Variants in NELL1 observed in about 807,000 individuals in gnomAD.
The protein encoded by NELL1 is neural EGFL like 1, also known as protein kinase C-binding protein NELL1.
NELL1 carries 76 observed loss-of-function variants against 107.4 expected under a neutral mutation model. The ratio of observed to expected loss-of-function variants is 0.71; its 90% CI spans 0.59 to 0.86. The LOEUF (loss-of-function observed/expected upper bound fraction) is 0.86. NELL1 is among the 40% of genes least tolerant of loss of function. The pLI is 0.00. For synonymous variants in NELL1, 353 were observed against 341.2 expected (o/e 1.03, Z -0.38); for missense variants, 1,024 against 1,005.5 (o/e 1.02, Z -0.25).
chr11:21,146,870 C>A (rs1366766580), intron 13 of NELL1, among the ~76,000 whole-genome samples: 1 of 152,098 alleles, frequency 6.6e-6, no homozygotes, highest in African/African-American at 2.4e-5. Context: ...ATAGTGAAAC[C>A]CTGTCTCTGC....
chr11:21,059,771 G>A (rs1313919834), intron 12 of NELL1, among the ~76,000 whole-genome samples: 1 of 152,096 alleles, frequency 6.6e-6, no homozygotes, highest in Non-Finnish European at 1.5e-5. Flanking sequence ...TTCCTTTGCT[G>A]CTACTGGAAT....
At chr11:21,378,596 C>T (rs537672135) in intron 15 of NELL1, among the ~76,000 whole-genome samples, 1 of 152,040 alleles carries the variant, frequency 6.6e-6, no homozygotes, top group Admixed American at 6.6e-5. Context: ...TGACTCCAAA[C>T]CTTGTGTTCT....
intron 5 of NELL1, among the ~76,000 whole-genome samples, chr11:20,892,313 C>T (rs1590386504): frequency 6.6e-6 from 1 of 152,072 alleles, no homozygotes; most frequent in Non-Finnish European, 1.5e-5. Flanking sequence ...TTCTTTGAAA[C>T]CAATGAGAAC....
chr11:20,888,682 G>A (rs1179845280), intron 5 of NELL1, among the ~76,000 whole-genome samples: 1 of 152,102 alleles, frequency 6.6e-6, no homozygotes, highest in Non-Finnish European at 1.5e-5. Flanking sequence ...CATCAGAACA[G>A]CCATTTTATT....
chr11:20,947,399 A>T lies in NELL1; in HGVS notation c.1135A>T (p.Ile379Phe), dbSNP rs764256028. 3.7e-6 allele frequency: 6 copies of T among 1,613,978 alleles called. No homozygotes were observed. The African/African-American group carries it at 5.3e-5, about 14-fold the overall frequency. ...PPLNCSEKDH[I>F]LPENQCCRVC... The stretch of plus-strand genomic sequence containing the variant: ...TTTGAACTGCTCAGAAAAGGATCAC[A>T]TTCTTCCTGAGAATCAGTGCTGCCG... Residue 379 changes from isoleucine to phenylalanine, a missense_variant, in exon 11 of 20, where the codon ATT (isoleucine) becomes TTT (phenylalanine). By Grantham distance (21) the Ile-to-Phe change is conservative (BLOSUM62 0). Coordinates refer to ENST00000357134, the MANE Select transcript of NELL1 (RefSeq NM_006157.5).
At chr11:21,203,828 T>C (rs1316814130) in intron 13 of NELL1, among the ~76,000 whole-genome samples, 1 of 152,188 alleles carries the variant, frequency 6.6e-6, no homozygotes, top group Non-Finnish European at 1.5e-5. Context: ...CTGTCAGCAT[T>C]TGCCTGTCTG....
chr11:20,771,978 AG>A (rs1339818723), intron 2 of NELL1, among the ~76,000 whole-genome samples: 2 of 152,224 alleles, frequency 1.3e-5, no homozygotes, highest in Admixed American at 6.5e-5. Flanking sequence ...CAGCATTTGA[AG>A]TAACATGTAA....
At chr11:20,863,975 G>A (rs1013061841) in intron 4 of NELL1, among the ~76,000 whole-genome samples, 1 of 152,122 alleles carries the variant, frequency 6.6e-6, no homozygotes, top group Non-Finnish European at 1.5e-5. Context: ...AGGCGTGGCG[G>A]CGCGCGCCTG....
chr11:21,413,306 G>C (rs1040097749), intron 15 of NELL1, among the ~76,000 whole-genome samples: 1 of 151,796 alleles, frequency 6.6e-6, no homozygotes, highest in Non-Finnish European at 1.5e-5. Context: ...TCTTATGGTA[G>C]TTTTGCAACT....
At chr11:21,048,491 C>T (rs1345588485) in intron 12 of NELL1, among the ~76,000 whole-genome samples, 2 of 152,128 alleles carry the variant, frequency 1.3e-5, no homozygotes, top group Non-Finnish European at 1.5e-5. Flanking sequence ...CTTTTACAAT[C>T]CTCTCTTGGA....
rs548108097 is a variant in NELL1, at chr11:21,029,539, C to T, written c.1300+68979C>T. 2.0e-4 allele frequency among the ~76,000 whole-genome samples: 30 copies of T among 152,190 alleles called. No individual in the cohort carries two copies. In the East Asian group the frequency reaches 2.1e-3, roughly 11 times the overall value. ...TGATCACACAAATGCACTATGAAAA[C>T]GTAATTGAGGTGTGAATCCCTGTGC... On this transcript the variant is annotated intron_variant, in intron 12 of 19. Transcript: ENST00000357134.
intron 4 of NELL1, among the ~76,000 whole-genome samples, chr11:20,857,151 AG>A (rs1848897340): frequency 6.6e-6 from 1 of 152,212 alleles, no homozygotes. Context: ...TGGCCGTATA[AG>A]GGAGAGCCAG....
At chr11:20,742,376 C>T (rs1489594108) in intron 2 of NELL1, among the ~76,000 whole-genome samples, 1 of 152,098 alleles carries the variant, frequency 6.6e-6, no homozygotes, top group East Asian at 1.9e-4. Context: ...AATTATAATG[C>T]CTTTCCTCGA....
intron 2 of NELL1, among the ~76,000 whole-genome samples, chr11:20,777,160 C>T (rs1290398560): frequency 6.6e-6 from 1 of 152,180 alleles, no homozygotes; most frequent in Non-Finnish European, 1.5e-5. Context: ...AGGTTGAAAT[C>T]TCAGCACCAA....
chr11:20,674,819 C>G (rs1294257548), intron 1 of NELL1, among the ~76,000 whole-genome samples: 2 of 152,122 alleles, frequency 1.3e-5, no homozygotes, highest in Non-Finnish European at 2.9e-5. Context: ...AAGCCTTGCC[C>G]AATTAATTGC....
chr11:21,100,056 G>T (rs1854766236), intron 12 of NELL1, among the ~76,000 whole-genome samples: 1 of 149,812 alleles, frequency 6.7e-6, no homozygotes, highest in South Asian at 2.1e-4. Context: ...TTGCTTTGTT[G>T]CCCAGGCTGG....
At chr11:20,974,191 A>C (rs1851557989) in intron 12 of NELL1, among the ~76,000 whole-genome samples, 1 of 152,206 alleles carries the variant, frequency 6.6e-6, no homozygotes, top group African/African-American at 2.4e-5. Flanking sequence ...TATTCGTTGA[A>C]TAAATGAACA....
chr11:21,015,654 T>G (rs548104601), intron 12 of NELL1, among the ~76,000 whole-genome samples: 1 of 151,924 alleles, frequency 6.6e-6, no homozygotes, highest in African/African-American at 2.4e-5. Context: ...GTAGGGCCCA[T>G]TTTCAAGACT....
intron 2 of NELL1, among the ~76,000 whole-genome samples, chr11:20,744,356 TG>T (rs1164282954): frequency 6.6e-6 from 1 of 152,240 alleles, no homozygotes; most frequent in Non-Finnish European, 1.5e-5. Flanking sequence ...CATCCTTGCT[TG>T]TCATAATCAG....
Sources: gnomAD v4.1 joint callset for allele counts (sites outside exome capture counted in the v4.1 genomes callset) on GRCh38, gnomAD v4.1.1 for gene constraint, MANE v1.5 for transcripts, NCBI Gene and HGNC (gene_info 2026-07-23, HGNC 2026-07-21) for gene names.